Variants in CNTN1 observed in about 807,000 individuals in gnomAD.
The protein encoded by CNTN1 is contactin-1.
In CNTN1, 38 loss-of-function variants were observed where a neutral mutation model predicts 126.4. That is an observed-to-expected ratio of 0.30 (90% confidence interval 0.23 to 0.39). CNTN1 has a LOEUF of 0.39. Among genes scored for constraint, CNTN1 ranks in the 10% least tolerant of loss-of-function variants. The pLI is 1.00. For missense variants in CNTN1, 1,009 were observed against 1,248.4 expected (o/e 0.81, Z 2.89); for synonymous variants, 413 against 422.6 (o/e 0.98, Z 0.28).
intron 1 of CNTN1, among the ~76,000 whole-genome samples, chr12:40,702,489 G>T (rs1941624043): frequency 6.6e-6 from 1 of 152,128 alleles, no homozygotes; most frequent in Admixed American, 6.5e-5. Flanking sequence ...TTGTTGCCCA[G>T]GCTGGAGTGC....
intron 14 of CNTN1, among the ~76,000 whole-genome samples, chr12:40,954,550 A>G (rs1051616563): frequency 6.6e-6 from 1 of 152,122 alleles, no homozygotes; most frequent in Non-Finnish European, 1.5e-5. Flanking sequence ...AATTCTATTT[A>G]GTATAAGAAG....
chr12:40,809,812 TCTCA>T (rs1940985289), intron 1 of CNTN1, among the ~76,000 whole-genome samples: 1 of 42,058 alleles, frequency 2.4e-5, no homozygotes, highest in Admixed American at 3.1e-4. Context: ...TGAGACTCTG[TCTCA>T]CACACACACA....
chr12:41,017,611 GA>G (rs1368237408), intron 19 of CNTN1, among the ~76,000 whole-genome samples: 2 of 151,676 alleles, frequency 1.3e-5, no homozygotes, highest in South Asian at 2.1e-4. Context: ...GGGCATTTAG[GA>G]AAAAAACAAT....
In CNTN1 at chr12:40,692,589, AC is replaced by A. The variant is rs1941327418; in HGVS notation, c.-79del. The stretch of plus-strand genomic sequence containing the variant: ...GCACCGAGGCGAGCAGGAGCAGGGA[AC>A]AGGTAGGAAGCTGGACTTTTCCTTC... On this transcript the variant is annotated splice_region_variant and 5_prime_UTR_variant, in exon 1 of 24. The change abolishes the stop of an existing upstream ORF in the 5' untranslated region. Coordinates refer to ENST00000551295, the MANE Select transcript of CNTN1 (RefSeq NM_001843.4). 1.3e-5 allele frequency: 2 copies of A among 152,516 alleles called. No individual in the cohort carries two copies. The highest frequency in any genetic ancestry group is 4.1e-4 in the South Asian group (2 of 4,844). 9.4% of individuals were successfully genotyped at this position (152,516 alleles called of 1,614,324 possible). A position where few individuals can be genotyped will look rare whatever the true frequency, so the allele number is the denominator to read the frequency against.
At chr12:41,036,979 T>C (rs1300787385) in intron 23 of CNTN1, among the ~76,000 whole-genome samples, 1 of 152,206 alleles carries the variant, frequency 6.6e-6, no homozygotes, top group Non-Finnish European at 1.5e-5. Flanking sequence ...TTAATGTAAA[T>C]ATACAGATGT....
chr12:40,975,198 A>G (rs200572764), intron 15 of CNTN1, among the ~76,000 whole-genome samples: 1 of 101,902 alleles, frequency 9.8e-6, no homozygotes, highest in African/African-American at 4.0e-5. Context: ...ATATATATAT[A>G]TATATATATA....
Position 40,980,905 on chromosome 12 carries a change from TCAGGCCCTC to T in CNTN1, c.1815_1823del (p.Pro606_Gly608del). 1.9e-6 allele frequency: 3 copies of T among 1,613,838 alleles called. No homozygotes were observed. The highest frequency in any genetic ancestry group is 2.5e-6 in the Non-Finnish European group (3 of 1,179,786). ...CTGATTCATTACCCACATTTTCATT[TCAGGCCCTC>T]CAGGCCCTCCAGGTGGTCTGAGAAT... On this transcript the variant is annotated splice_acceptor_variant and splice_polypyrimidine_tract_variant and coding_sequence_variant and intron_variant, in exon 16 of 24. Coordinates refer to ENST00000551295, the MANE Select transcript of CNTN1 (RefSeq NM_001843.4). LOFTEE classifies it high-confidence loss of function.
intron 17 of CNTN1, among the ~76,000 whole-genome samples, chr12:40,995,206 T>C (rs1397366288): frequency 2.0e-5 from 3 of 152,114 alleles, no homozygotes; most frequent in Non-Finnish European, 4.4e-5. Flanking sequence ...AGTCCCTGTT[T>C]AAAGACATTA....
chr12:41,031,134 G>T (rs1397988251), intron 23 of CNTN1, among the ~76,000 whole-genome samples: 1 of 152,172 alleles, frequency 6.6e-6, no homozygotes, highest in Non-Finnish European at 1.5e-5. Context: ...TAGACTAGAG[G>T]TTTTCAGCAA....
intron 1 of CNTN1, among the ~76,000 whole-genome samples, chr12:40,884,314 C>G (rs1943961282): frequency 1.3e-5 from 2 of 151,190 alleles, no homozygotes; most frequent in South Asian, 4.2e-4. Context: ...ATATTTAGCC[C>G]TGCATTTTCA....
intron 1 of CNTN1, among the ~76,000 whole-genome samples, chr12:40,714,621 T>C (rs1307102391): frequency 6.6e-6 from 1 of 152,136 alleles, no homozygotes; most frequent in Non-Finnish European, 1.5e-5. Context: ...GATTACCTTG[T>C]AAGATGTCAG....
chr12:40,804,342 C>T (rs1596518), intron 1 of CNTN1, among the ~76,000 whole-genome samples: 88,862 of 151,904 alleles, frequency 0.58, 28,117 homozygotes, highest in East Asian at 0.75. Flanking sequence ...AAGCCACCTG[C>T]CATTTTACAA....
chr12:41,039,224 A>C (rs1949339656), intron 23 of CNTN1, among the ~76,000 whole-genome samples: 1 of 152,300 alleles, frequency 6.6e-6, no homozygotes, highest in Non-Finnish European at 1.5e-5. Flanking sequence ...TAGAAATCTC[A>C]TGAATGGTGG....
intron 14 of CNTN1, among the ~76,000 whole-genome samples, chr12:40,957,005 G>A (rs1032299690): frequency 1.3e-5 from 2 of 151,872 alleles, no homozygotes; most frequent in South Asian, 4.2e-4. Flanking sequence ...GTTGAAGAAA[G>A]GGAGGGGTTA....
chr12:40,767,520 G>A (rs1020863306), intron 1 of CNTN1, among the ~76,000 whole-genome samples: 2 of 151,970 alleles, frequency 1.3e-5, no homozygotes, highest in Non-Finnish European at 2.9e-5. Flanking sequence ...GTGTTAGCCA[G>A]GATGATCTCG....
chr12:40,961,049 C>A (rs754434255), intron 15 of CNTN1, among the ~76,000 whole-genome samples: 1 of 151,842 alleles, frequency 6.6e-6, no homozygotes, highest in Non-Finnish European at 1.5e-5. Flanking sequence ...ATGATACTAG[C>A]CACACATACT....
chr12:40,964,515 C>T (rs1337265014), intron 15 of CNTN1, among the ~76,000 whole-genome samples: 1 of 106,030 alleles, frequency 9.4e-6, no homozygotes, highest in Non-Finnish European at 1.9e-5. Context: ...GTGAAAACAC[C>T]GTGTAAGTGA....
intron 1 of CNTN1, among the ~76,000 whole-genome samples, chr12:40,770,884 A>T (rs559475895): frequency 6.6e-6 from 1 of 152,074 alleles, no homozygotes; most frequent in South Asian, 2.1e-4. Flanking sequence ...AAGCTATTAC[A>T]TTTTACTAGT....
intron 1 of CNTN1, among the ~76,000 whole-genome samples, chr12:40,737,357 G>GTA (rs773215644): frequency 0.17 from 18,221 of 104,742 alleles, 1,506 homozygotes; most frequent in East Asian, 0.19. Context: ...ATATGTGTGT[G>GTA]TGTATATATA....
Sources: allele counts gnomAD v4.1 joint callset (sites outside exome capture counted in the v4.1 genomes callset), GRCh38; gene constraint gnomAD v4.1.1; transcripts MANE v1.5; gene names NCBI Gene and HGNC (gene_info 2026-07-23, HGNC 2026-07-21).